PHF3: variants seen among roughly 807,000 people sequenced by gnomAD.
The protein encoded by PHF3 is PHD finger protein 3.
PHF3 carries 41 observed loss-of-function variants against 178.4 expected under a neutral mutation model. The ratio of observed to expected loss-of-function variants is 0.23; its 90% CI spans 0.18 to 0.30. PHF3 has a LOEUF of 0.30. Among genes scored for constraint, PHF3 ranks in the 10% least tolerant of loss-of-function variants. The pLI is 1.00. For synonymous variants in PHF3, 842 were observed against 800.5 expected (o/e 1.05, Z -0.88); for missense variants, 2,346 against 2,398.1 (o/e 0.98, Z 0.45).
intron 3 of PHF3, 53 bp downstream of exon 3, chr6:63,680,214 T>C (rs1414494936): frequency 1.4e-6 from 2 of 1,421,528 alleles, no homozygotes; most frequent in East Asian, 4.6e-5. Flanking sequence ...GGGACAGATG[T>C]GTTAGGTTAT....
intron 2 of PHF3, among the ~76,000 whole-genome samples, chr6:63,663,216 T>A (rs1038467818): frequency 6.6e-6 from 1 of 152,154 alleles, no homozygotes; most frequent in Non-Finnish European, 1.5e-5. Context: ...GAAATTCTGA[T>A]GAAAGATAGA....
At chr6:63,676,871 A>G (rs1766186431) in intron 2 of PHF3, among the ~76,000 whole-genome samples, 1 of 152,122 alleles carries the variant, frequency 6.6e-6, no homozygotes, top group African/African-American at 2.4e-5. Context: ...CTTAGATGAG[A>G]GATGTGATTT....
At chr6:63,666,464 T>A (rs931082492) in intron 2 of PHF3, among the ~76,000 whole-genome samples, 2 of 151,978 alleles carry the variant, frequency 1.3e-5, no homozygotes, top group African/African-American at 4.8e-5. Flanking sequence ...TTTTTTCTTT[T>A]AAAACATTCC....
Position 63,712,923 on chromosome 6 carries a change from A to G in PHF3, c.5335A>G (p.Ser1779Gly). The G allele has an allele frequency of 6.2e-7, 1 of 1,614,080 alleles. No individual in the cohort carries two copies. Among genetic ancestry groups the G allele is most frequent in the South Asian group, 1.1e-5 (1 of 91,078 alleles). Reference sequence around the variant, plus strand: ...ATGTCCATCAGAATTTCCTTCTAAAAGCATCACCTTTACTTCCAGAAGCAC... The same window carrying G: ...ATGTCCATCAGAATTTCCTTCTAAAGGCATCACCTTTACTTCCAGAAGCAC... ...NTCPSEFPSKSITFTSRSTSP... is the reference protein window; with the variant it reads ...NTCPSEFPSKGITFTSRSTSP... The change falls in exon 16 of 16, where the codon AGC becomes GGC. Residue 1779 changes from serine (S) to glycine (G), a missense_variant. By Grantham distance (56) the Ser-to-Gly change is moderately conservative. This residue lies in a region of PHF3 where 839 missense variants were observed against 806.9 expected (regional missense o/e 1.04). Coordinates refer to ENST00000262043, the MANE Select transcript of PHF3 (RefSeq NM_001370348.2).
rs562862881 is a variant in PHF3, at chr6:63,694,779, A to G, written c.2680+15A>G. 8 of 1,389,958 alleles carry G rather than the reference A, an allele frequency of 5.8e-6. No individual in the cohort carries two copies. Among genetic ancestry groups the G allele is most frequent in the Non-Finnish European group, 7.6e-6 (8 of 1,054,110 alleles). The allele number at this position is 1,389,958 out of a possible 1,614,324, so 86.1% of individuals were successfully genotyped here. ...TTCAAAACCAGGTAGTGAGATGAACAGAAAAAATTATATACTAATATATTT... is the reference window on the plus strand; with the variant it reads ...TTCAAAACCAGGTAGTGAGATGAACGGAAAAAATTATATACTAATATATTT... On this transcript the variant is annotated intron_variant, in intron 6 of 15. Transcript: ENST00000262043.
intron 10 of PHF3, among the ~76,000 whole-genome samples, chr6:63,703,001 C>T (rs1360876911): frequency 6.6e-6 from 1 of 152,186 alleles, no homozygotes; most frequent in Non-Finnish European, 1.5e-5. Context: ...CCTCAGCCTC[C>T]CAAGTAGTTG....
rs1302722800 is a variant in PHF3, at chr6:63,722,115, CA to C, written c.*8408del. 1.3e-5 allele frequency among the ~76,000 whole-genome samples: 2 copies of C among 152,110 alleles called. No homozygotes were observed. The highest frequency in any genetic ancestry group is 4.8e-5 in the African/African-American group (2 of 41,428). Reference sequence around the variant, plus strand: ...TGTTCCTTATGATACCATTTAATGGCATTCACTATTGTCAGGCTAGGTACCT... The same window carrying C: ...TGTTCCTTATGATACCATTTAATGGCTTCACTATTGTCAGGCTAGGTACCT... On this transcript the variant is annotated 3_prime_UTR_variant, in exon 16 of 16. Coordinates refer to ENST00000262043, the MANE Select transcript of PHF3 (RefSeq NM_001370348.2).
intron 1 of PHF3, among the ~76,000 whole-genome samples, chr6:63,641,524 G>A (rs1561935054): frequency 8.7e-6 from 1 of 114,734 alleles, no homozygotes; most frequent in African/African-American, 4.2e-5. Flanking sequence ...ATTGTTAGGT[G>A]TGTATGTGTG....
chr6:63,720,950 T>C lies in PHF3; in HGVS notation c.*7242T>C. On this transcript the variant is annotated 3_prime_UTR_variant, in exon 16 of 16. Coordinates refer to ENST00000262043, the MANE Select transcript of PHF3 (RefSeq NM_001370348.2). ...TGTTATAGCTCATAGGCACAGAGAT[T>C]CTTTCTCCCAAGTTAACTGCTATTT... 6.4e-7 allele frequency: 1 copy of C among 1,551,374 alleles called. No individual in the cohort carries two copies. The highest frequency in any genetic ancestry group is 8.7e-7 in the Non-Finnish European group (1 of 1,146,788).
In PHF3 at chr6:63,691,856, G is replaced by T. The variant is rs765617652; in HGVS notation, c.2309G>T (p.Cys770Phe). The T allele has an allele frequency of 6.2e-7, 1 of 1,613,710 alleles. No individual in the cohort carries two copies. The highest frequency in any genetic ancestry group is 2.2e-5 in the East Asian group (1 of 44,850). Residue 770 changes from cysteine (C) to phenylalanine (F), a missense_variant, in exon 5 of 16, where the codon TGT (cysteine) becomes TTT (phenylalanine). Cys to Phe is a radical substitution (Grantham distance 205, BLOSUM62 -2). This residue lies in a region of PHF3 where 72 missense variants were observed against 110.5 expected (regional missense o/e 0.65). Coordinates refer to ENST00000262043, the MANE Select transcript of PHF3 (RefSeq NM_001370348.2). ...EDKEYVCVKC[C>F]AEEDKKTEIL... ...AAAGAATATGTCTGTGTAAAATGTT[G>T]TGCTGAAGAAGACAAAAAGACTGAA...
In PHF3 at chr6:63,706,772, G is replaced by T. The variant is rs146987703; in HGVS notation, c.3607G>T (p.Ala1203Ser). ...TGTTGAAGTTGAGTCTACCTTTCTGGCTCGATTGAACTTCATCTGGAAAGG... is the reference window on the plus strand; with the variant it reads ...TGTTGAAGTTGAGTCTACCTTTCTGTCTCGATTGAACTTCATCTGGAAAGG... The part of the protein sequence containing the change: ...GTVEVESTFL[A>S]RLNFIWKGFI... The change falls in exon 13 of 16, where the codon GCT (alanine) becomes TCT (serine). Residue 1203 changes from alanine to serine, a missense_variant. Ala to Ser is a moderately conservative substitution (Grantham distance 99, BLOSUM62 1). Coordinates refer to ENST00000262043, the MANE Select transcript of PHF3 (RefSeq NM_001370348.2). 2.5e-6 allele frequency: 4 copies of T among 1,613,772 alleles called. No homozygotes were observed. The highest frequency in any genetic ancestry group is 2.5e-6 in the Non-Finnish European group (3 of 1,179,882).
In PHF3 at chr6:63,719,337, C is replaced by T. The variant is rs997236253; in HGVS notation, c.*5629C>T. ...TCATCAGCCCTTATTTTTTGTAAAT[C>T]TTTTCTCTAATTACTTGATGATTAA... On this transcript the variant is annotated 3_prime_UTR_variant, in exon 16 of 16. Transcript: ENST00000262043. Among the ~76,000 whole-genome samples, 2 of 152,032 alleles carry T rather than the reference C, an allele frequency of 1.3e-5. No individual in the cohort carries two copies. The highest frequency in any genetic ancestry group is 2.9e-5 in the Non-Finnish European group (2 of 67,950).
At chr6:63,692,330 G>A (rs538233529) in intron 5 of PHF3, among the ~76,000 whole-genome samples, 93 of 151,900 alleles carry the variant, frequency 6.1e-4, no homozygotes, top group Non-Finnish European at 1.1e-3. Flanking sequence ...TGTGGATCTT[G>A]TGGCCATTAA....
chr6:63,688,382 G>T (rs1343732142), intron 4 of PHF3, among the ~76,000 whole-genome samples: 1 of 112,430 alleles, frequency 8.9e-6, no homozygotes. Flanking sequence ...TTGCCCAGGG[G>T]TGGAGAGCAG....
rs1346474146 is a variant in PHF3 at position 63,698,139 on chromosome 6, C to A, written c.2681-84C>A. On this transcript the variant is annotated intron_variant, in intron 6 of 15. Coordinates refer to ENST00000262043, the MANE Select transcript of PHF3 (RefSeq NM_001370348.2). ...TTATTTCTAAATAGTGACTTTTAAT[C>A]AGTTTTGTTTGTAAACTTATTCATT... 1.6e-5 allele frequency: 17 copies of A among 1,059,128 alleles called. No homozygotes were observed. In the Admixed American group the frequency reaches 3.7e-4, roughly 23 times the overall value. 65.6% of individuals were successfully genotyped at this position (1,059,128 alleles called of 1,614,324 possible). A position where few individuals can be genotyped will look rare whatever the true frequency, so the allele number is the denominator to read the frequency against.
In PHF3 at chr6:63,713,383, G is replaced by A. The variant is rs542783535; in HGVS notation, c.5795G>A (p.Arg1932Lys). The change falls in exon 16 of 16, where the codon AGA becomes AAA. Residue 1932 changes from arginine to lysine, a missense_variant. By Grantham distance (26) the Arg-to-Lys change is conservative. Coordinates refer to ENST00000262043, the MANE Select transcript of PHF3 (RefSeq NM_001370348.2). ...TATAGTGATTCACACCATTTGAAAA[G>A]AGAGCGACATGAAAAGGAATGGGAG... ...RFYSDSHHLK[R>K]ERHEKEWEQE... 5.6e-6 allele frequency: 9 copies of A among 1,614,018 alleles called. No homozygotes were observed. Among genetic ancestry groups the A allele is most frequent in the African/African-American group, 2.7e-5 (2 of 75,010 alleles).
intron 2 of PHF3, among the ~76,000 whole-genome samples, chr6:63,659,230 T>A (rs1051879586): frequency 6.6e-6 from 1 of 152,146 alleles, no homozygotes; most frequent in African/African-American, 2.4e-5. Context: ...TATCAAAATA[T>A]GTTGTACACC....
At chr6:63,651,750 T>A (rs1765028072) in intron 2 of PHF3, among the ~76,000 whole-genome samples, 1 of 152,162 alleles carries the variant, frequency 6.6e-6, no homozygotes, top group Non-Finnish European at 1.5e-5. Flanking sequence ...TATTGTACTG[T>A]CTACTTGTGT....
At chr6:63,651,571 A>C (rs1765021095) in intron 2 of PHF3, among the ~76,000 whole-genome samples, 1 of 152,142 alleles carries the variant, frequency 6.6e-6, no homozygotes, top group Non-Finnish European at 1.5e-5. Context: ...CATGTTGACC[A>C]GGCTGGTCTT....
Sources: allele counts gnomAD v4.1 joint callset (sites outside exome capture counted in the v4.1 genomes callset), GRCh38; gene constraint gnomAD v4.1.1; regional missense constraint gnomAD v4.1.1; transcripts MANE v1.5; gene names NCBI Gene and HGNC (gene_info 2026-07-23, HGNC 2026-07-21).